The following CRISPLD2 variants were observed in gnomAD, a reference collection of about 807,000 sequenced individuals.
The protein encoded by CRISPLD2 is cysteine rich secretory protein LCCL domain containing 2.
A neutral mutation model predicts 71.1 loss-of-function variants in CRISPLD2; 47 were observed. That is an observed-to-expected ratio of 0.66 (90% confidence interval 0.52 to 0.84). The LOEUF (loss-of-function observed/expected upper bound fraction) is 0.84. Among genes scored for constraint, CRISPLD2 ranks in the 40% least tolerant of loss-of-function variants. CRISPLD2 has a pLI of 0.00. For missense variants in CRISPLD2, 830 were observed against 651.1 expected, an observed-to-expected ratio of 1.27 and a Z score of -2.99; for synonymous variants, 317 against 250.1, an observed-to-expected ratio of 1.27 and a Z score of -2.52.
chr16:84,882,106 A>G (rs1174899981), intron 13 of CRISPLD2, among the ~76,000 whole-genome samples: 2 of 152,188 alleles, frequency 1.3e-5, no homozygotes, highest in African/African-American at 4.8e-5. Context: ...CCATTAAGAG[A>G]CAGAGGCTGA....
chr16:84,857,262 A>G (rs191533369), intron 6 of CRISPLD2, among the ~76,000 whole-genome samples: 262 of 152,342 alleles, frequency 1.7e-3, no homozygotes, highest in African/African-American at 5.7e-3. Flanking sequence ...GACAGAGGTG[A>G]CTGAGGAAAG....
rs147413331 is a variant in CRISPLD2, at chr16:84,890,449, G to A, written c.1439+1086G>A. ...TTCCACTCGAGACCATACCTTTATG[G>A]AAATCTATGACCATAAGTCATTGGT... On this transcript the variant is annotated intron_variant, in intron 14 of 14. Transcript: ENST00000262424. Among the ~76,000 whole-genome samples the A allele has an allele frequency of 1.1e-3, 168 of 152,306 alleles. 1 individual carries two copies. Among genetic ancestry groups the A allele is most frequent in the Middle Eastern group, 3.4e-3 (1 of 294 alleles).
intron 3 of CRISPLD2, chr16:84,846,194 C>T: frequency 3.7e-6 from 1 of 272,492 alleles, no homozygotes; most frequent in Non-Finnish European, 7.0e-6. Flanking sequence ...TTCCTTCCTT[C>T]CTTCCTCCCT....
At chr16:84,869,537 C>A (rs1459659442) in intron 8 of CRISPLD2, among the ~76,000 whole-genome samples, 1 of 152,210 alleles carries the variant, frequency 6.6e-6, no homozygotes, top group Non-Finnish European at 1.5e-5. Flanking sequence ...GTTGGCAGGA[C>A]TGTGATGAGA....
intron 1 of CRISPLD2, among the ~76,000 whole-genome samples, chr16:84,827,224 G>A (rs1191130939): frequency 2.0e-5 from 3 of 151,978 alleles, no homozygotes; most frequent in African/African-American, 7.3e-5. Flanking sequence ...AACCATGCGT[G>A]TTGAATCCCC....
At chr16:84,868,082 A>G (rs1011151253) in intron 7 of CRISPLD2, among the ~76,000 whole-genome samples, 4 of 152,136 alleles carry the variant, frequency 2.6e-5, no homozygotes, top group African/African-American at 9.7e-5. Context: ...CCCCTCTTTG[A>G]GGAACAGCCT....
intron 13 of CRISPLD2, among the ~76,000 whole-genome samples, chr16:84,880,917 C>G (rs543614676): frequency 9.9e-5 from 15 of 152,196 alleles, no homozygotes; most frequent in African/African-American, 3.4e-4. Flanking sequence ...GTTGGCCAGG[C>G]TGGTTTCGAA....
intron 14 of CRISPLD2, among the ~76,000 whole-genome samples, chr16:84,892,640 C>A (rs1455492791): frequency 1.3e-5 from 2 of 152,078 alleles, no homozygotes; most frequent in South Asian, 4.2e-4. Flanking sequence ...CACACCGCAT[C>A]TTCAAGATTT....
chr16:84,884,865 C>G (rs1036047077), intron 13 of CRISPLD2, among the ~76,000 whole-genome samples: 1 of 152,240 alleles, frequency 6.6e-6, no homozygotes, highest in Non-Finnish European at 1.5e-5. Context: ...CTCTTGGCAG[C>G]TCTCAACCAG....
intron 6 of CRISPLD2, among the ~76,000 whole-genome samples, chr16:84,865,453 G>A (rs1374869930): frequency 6.6e-6 from 1 of 152,180 alleles, no homozygotes. Context: ...ACCACACCTG[G>A]CCCTGAAACT....
intron 1 of CRISPLD2, among the ~76,000 whole-genome samples, chr16:84,838,124 T>A (rs1465889421): frequency 6.6e-6 from 1 of 152,066 alleles, no homozygotes; most frequent in Non-Finnish European, 1.5e-5. Context: ...GAATAAGAGA[T>A]GCTGACTCAT....
rs146325517 is a variant in CRISPLD2 at position 84,889,467 on chromosome 16, CG to C, written c.1439+107del. Reference sequence around the variant, plus strand: ...AGTCATTACCCTTTAAAATAAAACTCGGGTAGACTTGCACGAATTCTTACCA... The same window carrying C: ...AGTCATTACCCTTTAAAATAAAACTCGGTAGACTTGCACGAATTCTTACCA... On this transcript the variant is annotated intron_variant, in intron 14 of 14. Coordinates refer to ENST00000262424, the MANE Select transcript of CRISPLD2 (RefSeq NM_031476.4). 2.7e-3 allele frequency: 3,419 copies of C among 1,251,728 alleles called. 98 individuals carry two copies. In the African/African-American group the frequency reaches 0.048, roughly 18 times the overall value. The allele number at this position is 1,251,728 out of a possible 1,614,324, so 77.5% of individuals were successfully genotyped here.
At position 84,850,456 on chromosome 16, in the gene CRISPLD2, A is replaced by G. The variant is rs530154949; in HGVS notation, c.493-112A>G. 111 of 807,418 alleles carry G rather than the reference A, an allele frequency of 1.4e-4. No individual in the cohort carries two copies. The African/African-American group carries it at 1.8e-3, about 13-fold the overall frequency. 50.0% of individuals were successfully genotyped at this position (807,418 alleles called of 1,614,324 possible). On this transcript the variant is annotated intron_variant, in intron 4 of 14. Transcript: ENST00000262424. ...TTAGGGACTAATATCTGCTTCCCCA[A>G]CCCTTCACCTCGTACCTCTTTAGTG... is the stretch of plus-strand genomic sequence containing the variant.
chr16:84,881,008 C>A (rs148409248), intron 13 of CRISPLD2, among the ~76,000 whole-genome samples: 3 of 152,182 alleles, frequency 2.0e-5, no homozygotes, highest in African/African-American at 4.8e-5. Flanking sequence ...CCCGGCCAAC[C>A]TCTTAGCTAA....
At chr16:84,853,794 C>T (rs1917156049) in intron 5 of CRISPLD2, among the ~76,000 whole-genome samples, 1 of 152,238 alleles carries the variant, frequency 6.6e-6, no homozygotes, top group African/African-American at 2.4e-5. Flanking sequence ...CGGTCACTCC[C>T]TCAGTCTCAC....
chr16:84,827,328 C>A (rs1916377244), intron 1 of CRISPLD2, among the ~76,000 whole-genome samples: 1 of 152,124 alleles, frequency 6.6e-6, no homozygotes, highest in African/African-American at 2.4e-5. Context: ...AAACCAGACC[C>A]TGTCACCGCC....
At chr16:84,855,337 TC>T (rs1318090440) in intron 6 of CRISPLD2, among the ~76,000 whole-genome samples, 1 of 151,972 alleles carries the variant, frequency 6.6e-6, no homozygotes, top group Non-Finnish European at 1.5e-5. Context: ...GATCACAAGA[TC>T]CCACAATAGG....
chr16:84,833,939 C>A (rs1275456581), intron 1 of CRISPLD2, among the ~76,000 whole-genome samples: 2 of 152,140 alleles, frequency 1.3e-5, no homozygotes, highest in African/African-American at 2.4e-5. Context: ...GTTTGGGAGC[C>A]CCCTTCCCCC....
chr16:84,853,193 C>A (rs1435614000), intron 5 of CRISPLD2, among the ~76,000 whole-genome samples: 2 of 152,074 alleles, frequency 1.3e-5, no homozygotes, highest in Non-Finnish European at 2.9e-5. Flanking sequence ...AATATAGAAC[C>A]GTAGACACAA....
Sources: gnomAD v4.1 joint callset for allele counts (sites outside exome capture counted in the v4.1 genomes callset) on GRCh38, gnomAD v4.1.1 for gene constraint, MANE v1.5 for transcripts, NCBI Gene and HGNC (gene_info 2026-07-23, HGNC 2026-07-21) for gene names.